Variants in RASA3 observed in about 807,000 individuals in gnomAD.
The protein encoded by RASA3 is RAS p21 protein activator 3.
A neutral mutation model predicts 110.0 loss-of-function variants in RASA3; 73 were observed. The observed-to-expected ratio is 0.66, with a 90% CI of 0.55 to 0.81. The LOEUF (loss-of-function observed/expected upper bound fraction) is 0.81. Ranked by LOEUF, RASA3 falls within the 30% of genes least tolerant of loss-of-function variation. RASA3 has a pLI of 0.00. For synonymous variants in RASA3, 500 were observed against 451.4 expected (o/e 1.11, Z -1.37); for missense variants, 976 against 1,113.2 (o/e 0.88, Z 1.75).
At chr13:114,020,372 G>A (rs1193623928) in intron 9 of RASA3, among the ~76,000 whole-genome samples, 1 of 152,228 alleles carries the variant, frequency 6.6e-6, no homozygotes, top group African/African-American at 2.4e-5. Context: ...GCTCTCTGGG[G>A]TATGTGGTGG....
intron 1 of RASA3, among the ~76,000 whole-genome samples, chr13:114,124,835 C>T (rs891665524): frequency 2.6e-5 from 4 of 152,250 alleles, no homozygotes; most frequent in Admixed American, 1.3e-4. Flanking sequence ...ACTGTTCTTG[C>T]AATCTGTGAA....
intron 1 of RASA3, among the ~76,000 whole-genome samples, chr13:114,125,124 G>A (rs951032160): frequency 1.3e-5 from 2 of 152,118 alleles, no homozygotes; most frequent in East Asian, 1.9e-4. Flanking sequence ...ATCTTATGCC[G>A]TGGAACTTCC....
At chr13:114,015,435 CG>C in intron 13 of RASA3, 103 bp from the exon 14 acceptor site, 1 of 1,464,982 alleles carries the variant, frequency 6.8e-7, no homozygotes, top group African/African-American at 1.4e-5. Flanking sequence ...GGGCTGAGGG[CG>C]GGCGCAGGGC....
intron 1 of RASA3, among the ~76,000 whole-genome samples, chr13:114,101,402 A>G (rs1053786081): frequency 6.6e-6 from 1 of 152,338 alleles, no homozygotes; most frequent in East Asian, 1.9e-4. Flanking sequence ...CTCTACAGGA[A>G]GGACAGAGGC....
intron 1 of RASA3, among the ~76,000 whole-genome samples, chr13:114,118,449 T>C (rs2080325485): frequency 6.6e-6 from 1 of 152,222 alleles, no homozygotes; most frequent in Admixed American, 6.5e-5. Context: ...TGCCTTTTGG[T>C]GGGTGACCTC....
intron 7 of RASA3, among the ~76,000 whole-genome samples, chr13:114,024,692 G>A (rs1009076866): frequency 1.3e-5 from 2 of 152,234 alleles, no homozygotes; most frequent in African/African-American, 4.8e-5. Context: ...CTGCCACCCC[G>A]TGAGGGAGGG....
chr13:114,033,117 C>A (rs1464644394), intron 4 of RASA3, among the ~76,000 whole-genome samples: 1 of 73,152 alleles, frequency 1.4e-5, no homozygotes, highest in Non-Finnish European at 2.6e-5. Context: ...CTTGACACCA[C>A]GTTCCACGGA....
intron 21 of RASA3, among the ~76,000 whole-genome samples, chr13:113,993,480 G>A (rs1047980081): frequency 1.3e-5 from 2 of 151,912 alleles, no homozygotes; most frequent in African/African-American, 4.8e-5. Context: ...CCGGCCTCAT[G>A]TCTTTTTATA....
chr13:114,122,223 G>A (rs1208922639), intron 1 of RASA3, among the ~76,000 whole-genome samples: 1 of 152,210 alleles, frequency 6.6e-6, no homozygotes, highest in Non-Finnish European at 1.5e-5. Context: ...GGCTTCCTGA[G>A]AAGGCTGAGC....
chr13:114,080,819 G>A (rs577096125), intron 1 of RASA3, among the ~76,000 whole-genome samples: 11 of 137,070 alleles, frequency 8.0e-5, no homozygotes, highest in East Asian at 2.2e-4. Context: ...TGCTGCACAC[G>A]GTGCCCCAGG....
At chr13:114,101,712 C>T (rs140304193) in intron 1 of RASA3, among the ~76,000 whole-genome samples, 75 of 152,334 alleles carry the variant, frequency 4.9e-4, no homozygotes, top group South Asian at 1.2e-3. Context: ...CCAGGGAAGA[C>T]GGCAGTGTCT....
chr13:114,029,794 G>T lies in RASA3; in HGVS notation c.449+17C>A. The stretch of plus-strand genomic sequence containing the variant: ...CCACTCGCTGTGCGCTCGGTCTCTA[G>T]TGAGGACGTGTCTTACCGTGTGGCG... On this transcript the variant is annotated intron_variant, in intron 5 of 23. Transcript: ENST00000334062. The T allele has an allele frequency of 6.3e-7, 1 of 1,585,914 alleles. No individual in the cohort carries two copies.
intron 1 of RASA3, among the ~76,000 whole-genome samples, chr13:114,116,790 CGT>C (rs1243767555): frequency 8.3e-6 from 1 of 120,312 alleles, no homozygotes; most frequent in Non-Finnish European, 1.7e-5. Context: ...GAAGGGTGCA[CGT>C]GTGTGAGGGG....
chr13:114,089,252 A>AGAGAGGAGGG (rs1250350301), intron 1 of RASA3, among the ~76,000 whole-genome samples: 2 of 134,280 alleles, frequency 1.5e-5, no homozygotes, highest in Admixed American at 7.5e-5. Context: ...TCGGAGGAGG[A>AGAGAGGAGGG]GAGAGGAGGG....
At chr13:114,060,417 G>A (rs966450702) in intron 2 of RASA3, among the ~76,000 whole-genome samples, 5 of 152,232 alleles carry the variant, frequency 3.3e-5, no homozygotes, top group African/African-American at 1.2e-4. Flanking sequence ...CTGGCACAGT[G>A]GACCAGGAAG....
intron 4 of RASA3, among the ~76,000 whole-genome samples, chr13:114,033,745 C>T (rs1168887207): frequency 4.6e-5 from 7 of 152,228 alleles, no homozygotes; most frequent in Non-Finnish European, 7.3e-5. Flanking sequence ...GCTGCCCAGG[C>T]AGGTGTGGGA....
intron 1 of RASA3, among the ~76,000 whole-genome samples, chr13:114,120,899 G>A (rs1354984197): frequency 6.6e-6 from 1 of 152,244 alleles, no homozygotes; most frequent in Non-Finnish European, 1.5e-5. Flanking sequence ...AGAGGATCAA[G>A]ATGATTCCCA....
At chr13:114,007,718 G>A in intron 17 of RASA3, 112 bp from the exon 18 acceptor site, 4 of 871,926 alleles carry the variant, frequency 4.6e-6, no homozygotes, top group Non-Finnish European at 7.5e-6. Flanking sequence ...TACCAGTGGA[G>A]ACAGAATCTG....
In RASA3 at chr13:114,048,317, A is replaced by C. The variant is rs1186155930; in HGVS notation, c.277+3735T>G. Among the ~76,000 whole-genome samples, 2 of 150,590 alleles carry C rather than the reference A, an allele frequency of 1.3e-5. No homozygotes were observed. Among genetic ancestry groups the C allele is most frequent in the Non-Finnish European group, 3.0e-5 (2 of 67,470 alleles). On this transcript the variant is annotated intron_variant, in intron 3 of 23. Transcript: ENST00000334062. This position sits in a 1 kb window ranked among gnomAD's most constrained non-coding sequence, Gnocchi z 4.3. ...GCGACAGAAAGAGACTCCGTCTCAAAAAAAAAAAAAAAGAAGAAGAAAAGA... is the reference window on the plus strand; with the variant it reads ...GCGACAGAAAGAGACTCCGTCTCAACAAAAAAAAAAAAGAAGAAGAAAAGA...
Sources: allele counts gnomAD v4.1 joint callset (sites outside exome capture counted in the v4.1 genomes callset), GRCh38; gene constraint gnomAD v4.1.1; non-coding constraint Gnocchi (gnomAD v3.1); transcripts MANE v1.5; gene names NCBI Gene and HGNC (gene_info 2026-07-23, HGNC 2026-07-21).